RNF32: variants seen among roughly 807,000 people sequenced by gnomAD.
RNF32 encodes the protein ring finger protein 32.
In RNF32, 36 loss-of-function variants were observed where a neutral mutation model predicts 41.0. The observed-to-expected ratio is 0.88, with a 90% CI of 0.67 to 1.16. The LOEUF is 1.16. Ranked by LOEUF, RNF32 falls within the 50% of genes most tolerant of loss-of-function variation. The pLI is 0.00. For synonymous variants in RNF32, 154 were observed against 160.9 expected (o/e 0.96, Z 0.32); for missense variants, 413 against 436.7 (o/e 0.95, Z 0.48).
At chr7:156,642,052 G>T (rs550488794) in intron 1 of RNF32, among the ~76,000 whole-genome samples, 1 of 152,270 alleles carries the variant, frequency 6.6e-6, no homozygotes, top group South Asian at 2.1e-4. Context: ...TGTTCTTTCG[G>T]TTGGAGTAAT....
At chr7:156,656,475 T>C (rs1799691097) in intron 4 of RNF32, among the ~76,000 whole-genome samples, 1 of 152,210 alleles carries the variant, frequency 6.6e-6, no homozygotes, top group South Asian at 2.1e-4. Flanking sequence ...ATGGTGGTAA[T>C]GAAAAAGGAC....
intron 4 of RNF32, among the ~76,000 whole-genome samples, chr7:156,656,990 AT>A (rs1244301732): frequency 6.6e-6 from 1 of 152,158 alleles, no homozygotes; most frequent in Non-Finnish European, 1.5e-5. Flanking sequence ...TTAGTGGGGA[AT>A]TTGGGTCACA....
chr7:156,652,417 T>C (rs1237522433), intron 3 of RNF32, among the ~76,000 whole-genome samples: 1 of 152,200 alleles, frequency 6.6e-6, no homozygotes, highest in Admixed American at 6.5e-5. Flanking sequence ...CCATTTTCCA[T>C]GTTTTCTTTC....
intron 3 of RNF32, among the ~76,000 whole-genome samples, chr7:156,649,154 CTCTTTT>C (rs1563071726): frequency 6.6e-6 from 1 of 150,924 alleles, no homozygotes; most frequent in Non-Finnish European, 1.5e-5. Context: ...AAGACGTTTC[CTCTTTT>C]TTTTTTTCCT....
intron 7 of RNF32, among the ~76,000 whole-genome samples, chr7:156,673,216 TCTGAGGTATAATTTTGAAGGAA>T (rs1802979273): frequency 6.6e-6 from 1 of 152,228 alleles, no homozygotes; most frequent in Admixed American, 6.5e-5. Flanking sequence ...TGACCCTTTT[TCTGAGGTATAATTTTGAAGGAA>T]GAAAAGATCT....
intron 5 of RNF32, 118 bp from the exon 6 acceptor site, chr7:156,658,010 G>A (rs1799990558): frequency 9.5e-7 from 1 of 1,050,048 alleles, no homozygotes; most frequent in Non-Finnish European, 1.4e-6. Flanking sequence ...CCTAAATTGG[G>A]CTAAGTCTCA....
At chr7:156,646,370 A>G in intron 3 of RNF32, 8 of 1,270,688 alleles carry the variant, frequency 6.3e-6, no homozygotes, top group Non-Finnish European at 7.3e-6. Flanking sequence ...AGCTTGTGGC[A>G]GCGTCACTCC....
chr7:156,642,839 A>G (rs1488664463), intron 1 of RNF32: 1 of 152,286 alleles, frequency 6.6e-6, no homozygotes, highest in Non-Finnish European at 1.5e-5. Flanking sequence ...AACTCCAAAC[A>G]GACAGTGGCC....
intron 4 of RNF32, among the ~76,000 whole-genome samples, chr7:156,655,769 C>A (rs921915956): frequency 2.6e-5 from 4 of 151,922 alleles, no homozygotes; most frequent in African/African-American, 9.7e-5. Context: ...CCTGAAACCA[C>A]AAATTGTCTA....
intron 7 of RNF32, chr7:156,660,217 T>G (rs938650317): frequency 1.0e-6 from 1 of 985,530 alleles, no homozygotes; most frequent in Non-Finnish European, 1.2e-6. Flanking sequence ...TCTGCCTTGC[T>G]TAAAATGTGC....
At position 156,669,344 on chromosome 7, in the gene RNF32, G is replaced by A. The variant is rs1354841673; in HGVS notation, c.685-6352G>A. On this transcript the variant is annotated intron_variant, in intron 7 of 8. Transcript: ENST00000317955. The surrounding 1 kb of genome is among the most constrained non-coding windows in gnomAD (Gnocchi z 4.2). ...TACAATTTTCAAGAATAAGTGCCAG[G>A]AAGAAAAATGCAAAGAGAGGAAGGG... is the stretch of plus-strand genomic sequence containing the variant. 1 of 152,224 alleles carries A rather than the reference G, an allele frequency of 6.6e-6. No individual in the cohort carries two copies. The highest frequency in any genetic ancestry group is 1.5e-5 in the Non-Finnish European group (1 of 68,048). The allele number at this position is 152,224 out of a possible 1,614,324, so 9.4% of individuals were successfully genotyped here.
chr7:156,665,615 G>A (rs1482538780), intron 7 of RNF32, among the ~76,000 whole-genome samples: 3 of 152,090 alleles, frequency 2.0e-5, no homozygotes, highest in Non-Finnish European at 4.4e-5. Context: ...AAATTACTAG[G>A]AGAAATCAAT....
chr7:156,654,953 A>C, intron 4 of RNF32: 1 of 379,312 alleles, frequency 2.6e-6, no homozygotes, highest in South Asian at 5.3e-5. Flanking sequence ...GTTTGTACAA[A>C]AGGAATGTTT....
intron 1 of RNF32, among the ~76,000 whole-genome samples, chr7:156,642,613 G>A (rs761422387): frequency 5.9e-5 from 9 of 152,198 alleles, no homozygotes; most frequent in Non-Finnish European, 1.3e-4. Context: ...TTTCCAACCT[G>A]CTTATTCCAG....
intron 3 of RNF32, among the ~76,000 whole-genome samples, chr7:156,651,375 G>T (rs558616522): frequency 3.9e-5 from 6 of 151,922 alleles, no homozygotes; most frequent in African/African-American, 1.4e-4. Context: ...CACCACACCT[G>T]GCTAATTTTT....
At chr7:156,650,282 C>G (rs1388475749) in intron 3 of RNF32, among the ~76,000 whole-genome samples, 1 of 152,176 alleles carries the variant, frequency 6.6e-6, no homozygotes, top group African/African-American at 2.4e-5. Flanking sequence ...AGGGAGGAGC[C>G]AGAAAGGCAG....
At chr7:156,674,579 T>C (rs1346727966) in intron 7 of RNF32, among the ~76,000 whole-genome samples, 1 of 152,154 alleles carries the variant, frequency 6.6e-6, no homozygotes, top group Non-Finnish European at 1.5e-5. Flanking sequence ...CAGACCTTTC[T>C]AGTGTAGGAT....
chr7:156,643,618 C>G (rs1259765818), intron 1 of RNF32, among the ~76,000 whole-genome samples, 183 bp from the exon 2 acceptor site: 1 of 152,144 alleles, frequency 6.6e-6, no homozygotes, highest in Non-Finnish European at 1.5e-5. Flanking sequence ...AGGGATGAGT[C>G]GAAGCATAAC....
chr7:156,654,435 G>C, intron 3 of RNF32, 141 bp from the exon 4 acceptor site: 1 of 664,982 alleles, frequency 1.5e-6, no homozygotes, highest in Non-Finnish European at 2.4e-6. Flanking sequence ...GATACCAATG[G>C]ACAGCTTCTA....
Sources: allele counts gnomAD v4.1 joint callset (sites outside exome capture counted in the v4.1 genomes callset), GRCh38; gene constraint gnomAD v4.1.1; non-coding constraint Gnocchi (gnomAD v3.1); transcripts MANE v1.5; gene names NCBI Gene and HGNC (gene_info 2026-07-23, HGNC 2026-07-21).